DNAH7: variants seen among roughly 807,000 people sequenced by gnomAD.
DNAH7 encodes the protein axonemal beta dynein heavy chain 7.
In DNAH7, 397 loss-of-function variants were observed where a neutral mutation model predicts 444.6. The observed-to-expected ratio is 0.89, with a 90% confidence interval of 0.82 to 0.97. The LOEUF is 0.97. DNAH7 is among the 50% of genes least tolerant of loss of function. The probability of loss-of-function intolerance (pLI) is 0.00; values close to 1 mark genes in which losing one functional copy is unlikely to be tolerated. For missense variants in DNAH7, 4,902 were observed against 4,800.8 expected, an observed-to-expected ratio of 1.02 and a Z score of -0.62; for synonymous variants, 1,636 against 1,624.4, an observed-to-expected ratio of 1.01 and a Z score of -0.17.
intron 63 of DNAH7, among the ~76,000 whole-genome samples, chr2:195,753,826 T>A (rs1007440452): frequency 1.3e-5 from 2 of 152,168 alleles, no homozygotes; most frequent in Admixed American, 1.3e-4. Flanking sequence ...CTATTAGCTA[T>A]AAGTTTTGGA....
At chr2:196,020,299 A>G (rs963498262) in intron 8 of DNAH7, among the ~76,000 whole-genome samples, 1 of 152,184 alleles carries the variant, frequency 6.6e-6, no homozygotes, top group Non-Finnish European at 1.5e-5. Flanking sequence ...TATATGTGGT[A>G]TAGGAGCTCA....
intron 40 of DNAH7, among the ~76,000 whole-genome samples, chr2:195,871,702 A>AAACTGGTTCAAAGTGAC (rs1700703257): frequency 7.6e-6 from 1 of 131,318 alleles, no homozygotes; most frequent in African/African-American, 4.0e-5. Flanking sequence ...TACTTAAGGG[A>AAACTGGTTCAAAGTGAC]AGGCGGATCA....
chr2:195,983,418 T>TA (rs1692702630), intron 15 of DNAH7, among the ~76,000 whole-genome samples: 1 of 152,054 alleles, frequency 6.6e-6, no homozygotes, highest in South Asian at 2.1e-4. Flanking sequence ...CAGGAAGCTT[T>TA]TACTCATGGC....
intron 14 of DNAH7, 142 bp downstream of exon 14, chr2:195,986,924 G>A: frequency 2.6e-6 from 2 of 770,444 alleles, no homozygotes; most frequent in Non-Finnish European, 3.9e-6. Flanking sequence ...GACACTTAAA[G>A]CCAAGCAGAA....
intron 31 of DNAH7, 59 bp from the exon 32 acceptor site, chr2:195,889,040 A>T: frequency 6.9e-7 from 1 of 1,452,496 alleles, no homozygotes; most frequent in Non-Finnish European, 9.4e-7. Context: ...ATAAAGAAAC[A>T]GTTCAATAAT....
chr2:195,961,062 G>C, intron 17 of DNAH7, 117 bp from the exon 18 acceptor site: 2 of 761,924 alleles, frequency 2.6e-6, no homozygotes, highest in Non-Finnish European at 3.7e-6. Context: ...AAGCCCTGAA[G>C]TTAAACTTCA....
At chr2:195,982,676 A>C (rs532657507) in intron 15 of DNAH7, among the ~76,000 whole-genome samples, 62 of 152,362 alleles carry the variant, frequency 4.1e-4, no homozygotes, top group African/African-American at 1.5e-3. Flanking sequence ...ATTAGCAATA[A>C]CATGGATGGA....
intron 18 of DNAH7, among the ~76,000 whole-genome samples, chr2:195,959,111 T>A (rs1469540963): frequency 6.6e-6 from 1 of 152,194 alleles, no homozygotes; most frequent in Non-Finnish European, 1.5e-5. Flanking sequence ...AGAACTTAGA[T>A]GTGGCATAGT....
intron 1 of DNAH7, among the ~76,000 whole-genome samples, chr2:196,066,995 CA>C (rs1459215227): frequency 1.3e-5 from 2 of 152,100 alleles, no homozygotes; most frequent in Admixed American, 6.6e-5. Context: ...CTCTGCTGTT[CA>C]AAAATAGTAA....
At chr2:196,047,741 A>G (rs13028941) in intron 4 of DNAH7, among the ~76,000 whole-genome samples, 72,584 of 151,322 alleles carry the variant, frequency 0.48, 20,131 homozygotes, top group South Asian at 0.63. Context: ...TAATATACTA[A>G]TAAAATTTTC....
rs762127511 is a variant in DNAH7 at position 195,864,999 on chromosome 2, C to T, written c.6656G>A (p.Arg2219His). The change falls in exon 41 of 65, where the codon CGC (arginine) becomes CAC (histidine). Residue 2219 changes from arginine to histidine, a missense_variant. Coordinates refer to ENST00000312428, the MANE Select transcript of DNAH7 (RefSeq NM_018897.3). ...VHEVLRVYYDRLLDNTDRSWL... is the reference protein window; with the variant it reads ...VHEVLRVYYDHLLDNTDRSWL... ...GCTTCTGTCTGTATTGTCCAGAAGG[C>T]GGTCATAATACACTCGAAGGACCTG... The T allele has an allele frequency of 2.6e-5, 42 of 1,600,630 alleles. No homozygotes were observed. In the African/African-American group the frequency reaches 4.6e-4, roughly 17 times the overall value.
In DNAH7 at chr2:195,886,253, T is replaced by C. The variant is rs1701704504; in HGVS notation, c.5426A>G (p.Asp1809Gly). Residue 1809 changes from aspartate (D) to glycine (G), a missense_variant, in exon 34 of 65, where the codon GAT (aspartate) becomes GGT (glycine). By Grantham distance (94) the Asp-to-Gly change is moderately conservative. Transcript: ENST00000312428. ...CATTAAGGACCGGACCAAGTTTGTA[T>C]CGGAAGTAGGAGATAATTCCTGAAA... ...KHTKELSPTSDTNLVRSLMNL... is the reference protein window; with the variant it reads ...KHTKELSPTSGTNLVRSLMNL... The C allele has an allele frequency of 1.2e-6, 2 of 1,612,390 alleles. No homozygotes were observed. The highest frequency in any genetic ancestry group is 2.2e-5 in the East Asian group (1 of 44,834).
At chr2:195,908,186 T>C (rs1687150527) in intron 25 of DNAH7, among the ~76,000 whole-genome samples, 1 of 152,128 alleles carries the variant, frequency 6.6e-6, no homozygotes, top group African/African-American at 2.4e-5. Context: ...CTATTCAAAC[T>C]GCATGTAGAA....
At position 195,875,783 on chromosome 2, in the gene DNAH7, T is replaced by C. The variant is rs956678766; in HGVS notation, c.6178A>G (p.Ile2060Val). The C allele has an allele frequency of 2.5e-6, 4 of 1,613,724 alleles. No homozygotes were observed. Among genetic ancestry groups the C allele is most frequent in the African/African-American group, 1.3e-5 (1 of 74,900 alleles). Residue 2060 changes from isoleucine (I) to valine (V), a missense_variant, in exon 38 of 65, where the codon ATT becomes GTT. Physicochemically the swap from Ile to Val is conservative, Grantham distance 29. Transcript: ENST00000312428. ...AREVYGAQPP[I>V]ELLRQWLDHW... ...TCTAACCACTGTCTAAGTAACTCAATGGGAGGTTGAGCCCCATATACCTCC... is the reference window on the plus strand; with the variant it reads ...TCTAACCACTGTCTAAGTAACTCAACGGGAGGTTGAGCCCCATATACCTCC...
intron 58 of DNAH7, among the ~76,000 whole-genome samples, chr2:195,781,683 AC>A (rs1695385288): frequency 6.6e-6 from 1 of 152,016 alleles, no homozygotes; most frequent in Non-Finnish European, 1.5e-5. Context: ...ACACACACAC[AC>A]ACAAAATCTT....
intron 63 of DNAH7, among the ~76,000 whole-genome samples, chr2:195,750,891 ATTAT>A (rs1050719035): frequency 7.2e-5 from 11 of 152,202 alleles, no homozygotes; most frequent in Admixed American, 2.0e-4. Context: ...TTTGAGCCAA[ATTAT>A]TTATCCTTCC....
At chr2:195,739,013 C>T (rs920783466) in intron 64 of DNAH7, among the ~76,000 whole-genome samples, 1 of 152,162 alleles carries the variant, frequency 6.6e-6, no homozygotes, top group Admixed American at 6.5e-5. Context: ...ATGTAAAACT[C>T]GAAGCACTCT....
intron 5 of DNAH7, among the ~76,000 whole-genome samples, chr2:196,035,050 T>C (rs191988473): frequency 0.02 from 3,027 of 152,112 alleles, 47 homozygotes; most frequent in Non-Finnish European, 0.03. Flanking sequence ...GTTATGGTGG[T>C]GCACACCTGT....
At chr2:195,925,886 T>G (rs1319116116) in intron 22 of DNAH7, among the ~76,000 whole-genome samples, 1 of 151,794 alleles carries the variant, frequency 6.6e-6, no homozygotes, top group Non-Finnish European at 1.5e-5. Context: ...CATTAACAAT[T>G]ACAATCTAAT....
Sources: gnomAD v4.1 joint callset for allele counts (sites outside exome capture counted in the v4.1 genomes callset) on GRCh38, gnomAD v4.1.1 for gene constraint, MANE v1.5 for transcripts, NCBI Gene and HGNC (gene_info 2026-07-23, HGNC 2026-07-21) for gene names.